The following ZNF449 variants were observed in gnomAD, a reference collection of about 807,000 sequenced individuals.
ZNF449 encodes the protein zinc finger and SCAN domain-containing protein 19.
In ZNF449, 4 loss-of-function variants were observed where a neutral mutation model predicts 32.6. The ratio of observed to expected loss-of-function variants is 0.12; its 90% CI spans 0.06 to 0.28. ZNF449 has a LOEUF of 0.28. Among genes scored for constraint, ZNF449 ranks in the 10% least tolerant of loss-of-function variants. ZNF449 has a pLI of 1.00. For missense variants in ZNF449, 275 were observed against 383.2 expected (o/e 0.72, Z 2.36); for synonymous variants, 123 against 132.2 (o/e 0.93, Z 0.48).
chrX:135,360,629 A>G lies in ZNF449; in HGVS notation c.1110A>G (p.Gln370=). ...FLRSSDLYRH[Q]RLHTGERPYE... is the part of the protein sequence containing the mutation. ...GTAGTTCAGACCTTTATAGACACCAACGACTTCATACAGGGGAGAGACCCT... is the reference window on the plus strand; with the variant it reads ...GTAGTTCAGACCTTTATAGACACCAGCGACTTCATACAGGGGAGAGACCCT... Residue 370 remains glutamine (Q), a synonymous_variant, in exon 5 of 5, where the codon CAA becomes CAG. Coordinates refer to ENST00000339249, the MANE Select transcript of ZNF449 (RefSeq NM_152695.6). 8.3e-7 allele frequency: 1 copy of G among 1,211,416 alleles called. No homozygotes were observed. The highest frequency in any genetic ancestry group is 1.1e-6 in the Non-Finnish European group (1 of 895,316).
chrX:135,356,786 A>G (rs2084920459), intron 3 of ZNF449, among the ~76,000 whole-genome samples: 1 of 112,069 alleles, frequency 8.9e-6, no homozygotes. Context: ...TAAGAAAATC[A>G]TAAGGCAGAG....
In ZNF449 at chrX:135,360,886, C is replaced by T. The variant is rs782337012; in HGVS notation, c.1367C>T (p.Thr456Met). Reference sequence around the variant, plus strand: ...ACAGCTCTTACTTTGCACCAGAGAACGCATACTGAAGAGAGACCTTTTAAA... The same window carrying T: ...ACAGCTCTTACTTTGCACCAGAGAATGCATACTGAAGAGAGACCTTTTAAA... Reference protein sequence around the residue: ...RLTALTLHQRTHTEERPFKCN... With the variant: ...RLTALTLHQRMHTEERPFKCN... The change falls in exon 5 of 5, where the codon ACG becomes ATG. Residue 456 changes from threonine (T) to methionine (M), a missense_variant. Transcript: ENST00000339249. 1.2e-5 allele frequency: 14 copies of T among 1,210,386 alleles called. No individual in the cohort carries two copies. Among genetic ancestry groups the T allele is most frequent in the South Asian group, 1.8e-5 (1 of 56,700 alleles).
At chrX:135,348,606 C>T (rs2084865150) in intron 2 of ZNF449, 1 of 387,335 alleles carries the variant, frequency 2.6e-6, no homozygotes, top group East Asian at 1.2e-4. Context: ...TGGGGGTTCT[C>T]TGCAGGAGCT....
At chrX:135,350,843 G>A (rs782569091) in intron 3 of ZNF449, among the ~76,000 whole-genome samples, 21 of 111,901 alleles carry the variant, frequency 1.9e-4, no homozygotes, top group Admixed American at 1.6e-3. Context: ...GAGGAAGGAG[G>A]ATCTGGGTTA....
At chrX:135,349,762 A>G (rs2084873247) in intron 3 of ZNF449, among the ~76,000 whole-genome samples, 1 of 112,211 alleles carries the variant, frequency 8.9e-6, no homozygotes, top group African/African-American at 3.2e-5. Context: ...TATCTACCTC[A>G]TTAAATCAAA....
intron 1 of ZNF449, among the ~76,000 whole-genome samples, chrX:135,346,022 T>C (rs953428218): frequency 1.8e-5 from 2 of 112,194 alleles, no homozygotes; most frequent in East Asian, 2.8e-4. Flanking sequence ...GCATTTACCA[T>C]GTGACCTTAG....
chrX:135,362,071 A>G lies in ZNF449; in HGVS notation c.*995A>G. 1 of 111,736 alleles carries G rather than the reference A, an allele frequency of 8.9e-6. No individual in the cohort carries two copies. The highest frequency in any genetic ancestry group is 1.9e-5 in the Non-Finnish European group (1 of 53,036). The allele number at this position is 111,736 out of a possible 1,213,427, so 9.2% of individuals were successfully genotyped here. ...ATTCTGCAAATGTCTCTTGGAACAC[A>G]CTGCCTTAAACAGATATTTCTATAG... On this transcript the variant is annotated 3_prime_UTR_variant, in exon 5 of 5. Transcript: ENST00000339249.
In ZNF449 at chrX:135,363,220, G is replaced by A. The variant is rs2084956896; in HGVS notation, c.*2144G>A. 8.9e-6 allele frequency: 1 copy of A among 112,152 alleles called. No homozygotes were observed. Among genetic ancestry groups the A allele is most frequent in the Admixed American group, 9.5e-5 (1 of 10,575 alleles). The allele number at this position is 112,152 out of a possible 1,213,427, so 9.2% of individuals were successfully genotyped here. ...TCCCTGAACAGTGGCAACAAGCATG[G>A]CAATTGACTCTGTCCTCATCCCAAG... On this transcript the variant is annotated 3_prime_UTR_variant, in exon 5 of 5. Transcript: ENST00000339249.
rs150198037 is a variant in ZNF449, at chrX:135,347,177, A to G, written c.59A>G (p.Gln20Arg). The change falls in exon 2 of 5, where the codon CAA becomes CGA. Residue 20 changes from glutamine to arginine, a missense_variant. Physicochemically the swap from Gln to Arg is conservative, Grantham distance 43. Transcript: ENST00000339249. ...QASLNQGSVF[Q>R]EYDTDCEVFR... is the part of the protein sequence containing the mutation. ...TCCTTGAATCAAGGCTCTGTGTTTC[A>G]AGAATATGATACTGACTGTGAAGTT... 5.8e-6 allele frequency: 7 copies of G among 1,212,065 alleles called. No individual in the cohort carries two copies. Among genetic ancestry groups the G allele is most frequent in the Non-Finnish European group, 7.8e-6 (7 of 895,574 alleles).
At position 135,349,325 on chromosome X, in the gene ZNF449, G is replaced by A. The variant is rs374398985; in HGVS notation, c.559+11G>A. 5.0e-6 allele frequency: 6 copies of A among 1,204,677 alleles called. No individual in the cohort carries two copies. The African/African-American group carries it at 1.1e-4, about 21-fold the overall frequency. On this transcript the variant is annotated intron_variant, in intron 3 of 4. Transcript: ENST00000339249. The stretch of plus-strand genomic sequence containing the variant: ...ACTTTCTGGACCCTGGTAAGGCAAG[G>A]GTTTCTCTCCTTTCTTTTGTTTCTG...
chrX:135,353,069 AGTT>A (rs1230262569), intron 3 of ZNF449, among the ~76,000 whole-genome samples: 1 of 111,567 alleles, frequency 9.0e-6, no homozygotes, highest in Admixed American at 9.5e-5. Context: ...TCTCTCTTGT[AGTT>A]GTTGTGAAGA....
At chrX:135,346,982 C>G in intron 1 of ZNF449, 37 bp from the exon 2 acceptor site, 1 of 559,884 alleles carries the variant, frequency 1.8e-6, no homozygotes, top group Non-Finnish European at 2.8e-6. Context: ...CTTGTGACCA[C>G]TCCTGTTTCT....
At chrX:135,360,150 CA>C in intron 4 of ZNF449, 42 bp from the exon 5 acceptor site, 2 of 1,144,472 alleles carry the variant, frequency 1.7e-6, no homozygotes, top group Non-Finnish European at 2.3e-6. Flanking sequence ...TTCTTTTCTC[CA>C]TGGAACACAA....
chrX:135,345,070 C>A (rs2148502021), intron 1 of ZNF449, among the ~76,000 whole-genome samples: 1 of 113,300 alleles, frequency 8.8e-6, no homozygotes, highest in East Asian at 2.8e-4. Context: ...GAGCTCCCCT[C>A]CAGGCGTCGG....
chrX:135,354,810 T>A (rs2084907889), intron 3 of ZNF449, among the ~76,000 whole-genome samples: 1 of 111,691 alleles, frequency 9.0e-6, no homozygotes, highest in Non-Finnish European at 1.9e-5. Context: ...GTAGTAACAC[T>A]TCTGACCTTA....
At chrX:135,355,739 C>A (rs782560229) in intron 3 of ZNF449, among the ~76,000 whole-genome samples, 34 of 111,526 alleles carry the variant, frequency 3.0e-4, no homozygotes, top group Non-Finnish European at 5.3e-4. Context: ...ATTGTCACCC[C>A]TTTGAAGTGT....
At chrX:135,351,450 G>A (rs1302379206) in intron 3 of ZNF449, among the ~76,000 whole-genome samples, 1 of 110,680 alleles carries the variant, frequency 9.0e-6, no homozygotes, top group Non-Finnish European at 1.9e-5. Flanking sequence ...AAACAAAAGA[G>A]GAAGATCAGA....
At chrX:135,358,276 T>C (rs782367990) in intron 3 of ZNF449, among the ~76,000 whole-genome samples, 1 of 111,755 alleles carries the variant, frequency 8.9e-6, no homozygotes, top group South Asian at 3.7e-4. Context: ...ATTACTATTA[T>C]ACATGTTACA....
chrX:135,347,848 G>A, intron 2 of ZNF449: 1 of 367,989 alleles, frequency 2.7e-6, no homozygotes, highest in Non-Finnish European at 4.6e-6. Context: ...TTGTTGAAAG[G>A]TCATTGAAAA....
Sources: gnomAD v4.1 joint callset for allele counts (sites outside exome capture counted in the v4.1 genomes callset) on GRCh38, gnomAD v4.1.1 for gene constraint, MANE v1.5 for transcripts, NCBI Gene and HGNC (gene_info 2026-07-23, HGNC 2026-07-21) for gene names.